The following JAZF1 variants were observed in gnomAD, a reference collection of about 807,000 sequenced individuals.
JAZF1 encodes the protein juxtaposed with another zinc finger protein 1.
Under a neutral mutation model 26.4 loss-of-function variants are expected in JAZF1, and 8 were observed. The ratio of observed to expected loss-of-function variants is 0.30; its 90% CI spans 0.18 to 0.55. JAZF1 has a LOEUF of 0.55. Ranked by LOEUF, JAZF1 falls within the 20% of genes least tolerant of loss-of-function variation. The probability of loss-of-function intolerance (pLI) is 0.94; values close to 1 mark genes in which losing one functional copy is unlikely to be tolerated. For synonymous variants in JAZF1, 126 were observed against 122.3 expected (o/e 1.03, Z -0.20); for missense variants, 199 against 322.0 (o/e 0.62, Z 2.92).
chr7:28,176,042 T>C (rs1460474106), intron 1 of JAZF1, among the ~76,000 whole-genome samples: 1 of 152,216 alleles, frequency 6.6e-6, no homozygotes, highest in Non-Finnish European at 1.5e-5. Flanking sequence ...AGACGGTTTA[T>C]AAATCTATAC....
intron 2 of JAZF1, among the ~76,000 whole-genome samples, chr7:27,905,129 C>G (rs1784230074): frequency 8.0e-6 from 1 of 124,438 alleles, no homozygotes; most frequent in African/African-American, 3.3e-5. Flanking sequence ...AGCACCACAT[C>G]CAAGGCTAAA....
At chr7:28,078,894 G>A (rs1348313779) in intron 1 of JAZF1, among the ~76,000 whole-genome samples, 1 of 151,954 alleles carries the variant, frequency 6.6e-6, no homozygotes, top group Non-Finnish European at 1.5e-5. Flanking sequence ...CTGTACTCTA[G>A]AACTAGAATA....
chr7:28,137,996 G>C (rs1297691901), intron 1 of JAZF1, among the ~76,000 whole-genome samples: 2 of 152,188 alleles, frequency 1.3e-5, no homozygotes, highest in African/African-American at 4.8e-5. Context: ...AAGTGGCAGA[G>C]CCAGGATTCA....
intron 1 of JAZF1, among the ~76,000 whole-genome samples, chr7:28,139,964 T>C (rs943982730): frequency 2.0e-5 from 3 of 152,126 alleles, no homozygotes; most frequent in African/African-American, 7.2e-5. Flanking sequence ...CATGGTTCTT[T>C]CTGGAAAGAG....
intron 1 of JAZF1, among the ~76,000 whole-genome samples, chr7:28,045,816 C>T (rs955762089): frequency 1.3e-5 from 2 of 152,158 alleles, no homozygotes; most frequent in African/African-American, 4.8e-5. Flanking sequence ...TCAAGTGATC[C>T]TCCTAACTTG....
intron 3 of JAZF1, among the ~76,000 whole-genome samples, chr7:27,848,832 A>G (rs34956960): frequency 0.01 from 1,533 of 152,302 alleles, 9 homozygotes; most frequent in Non-Finnish European, 0.015. Flanking sequence ...ACCTGTGCTT[A>G]CTTGATTTTT....
intron 1 of JAZF1, among the ~76,000 whole-genome samples, chr7:28,158,191 A>AGAGAGAGAGAGAGAGG (rs1783221808): frequency 6.6e-6 from 1 of 151,322 alleles, no homozygotes; most frequent in Non-Finnish European, 1.5e-5. Flanking sequence ...ACACACAGAG[A>AGAGAGAGAGAGAGAGG]GAGAGAGAGA....
At chr7:28,031,062 G>A (rs534335725) in intron 1 of JAZF1, among the ~76,000 whole-genome samples, 6 of 152,240 alleles carry the variant, frequency 3.9e-5, no homozygotes, top group South Asian at 2.1e-4. Context: ...TGCTATACAC[G>A]AAGCATATTC....
chr7:28,050,747 C>T (rs1783598121), intron 1 of JAZF1, among the ~76,000 whole-genome samples: 1 of 152,166 alleles, frequency 6.6e-6, no homozygotes, highest in Admixed American at 6.5e-5. Flanking sequence ...CAAATACTCT[C>T]ATTAAGTCAT....
At chr7:28,154,626 C>T (rs1029671581) in intron 1 of JAZF1, among the ~76,000 whole-genome samples, 3 of 152,002 alleles carry the variant, frequency 2.0e-5, no homozygotes, top group African/African-American at 7.2e-5. Context: ...CCAATGGGAT[C>T]CTTTATTTTT....
chr7:27,868,512 G>A (rs1194661739), intron 3 of JAZF1, among the ~76,000 whole-genome samples: 1 of 152,194 alleles, frequency 6.6e-6, no homozygotes, highest in Non-Finnish European at 1.5e-5. Flanking sequence ...GCTCCAGCCT[G>A]GCTGGTCGGC....
intron 2 of JAZF1, among the ~76,000 whole-genome samples, chr7:27,986,582 A>G (rs949025301): frequency 6.6e-6 from 1 of 152,128 alleles, no homozygotes; most frequent in African/African-American, 2.4e-5. Flanking sequence ...CAAGCTACCA[A>G]TGACTTTCTT....
chr7:27,951,234 C>A (rs535703773), intron 2 of JAZF1, among the ~76,000 whole-genome samples: 1 of 152,312 alleles, frequency 6.6e-6, no homozygotes, highest in Non-Finnish European at 1.5e-5. Context: ...GGTGTGCTAA[C>A]TTCCCTGTAG....
chr7:27,926,534 T>A (rs914633827), intron 2 of JAZF1, among the ~76,000 whole-genome samples: 1 of 152,222 alleles, frequency 6.6e-6, no homozygotes, highest in African/African-American at 2.4e-5. Context: ...CTCTACTAAT[T>A]GGAAAAAGTC....
intron 3 of JAZF1, among the ~76,000 whole-genome samples, chr7:27,893,776 G>T (rs1784013955): frequency 6.6e-6 from 1 of 152,170 alleles, no homozygotes; most frequent in African/African-American, 2.4e-5. Flanking sequence ...GCACAAACAT[G>T]CGGACCTCTT....
At chr7:27,867,943 G>A (rs191563210) in intron 3 of JAZF1, among the ~76,000 whole-genome samples, 120 of 152,218 alleles carry the variant, frequency 7.9e-4, no homozygotes, top group African/African-American at 2.5e-3. Context: ...TATTTCTTTC[G>A]CAGGATCTCG....
At chr7:27,868,059 T>C (rs1179192931) in intron 3 of JAZF1, among the ~76,000 whole-genome samples, 1 of 152,186 alleles carries the variant, frequency 6.6e-6, no homozygotes, top group East Asian at 1.9e-4. Context: ...CCATTTGCCA[T>C]TTTCTTCTCT....
chr7:27,944,831 T>G (rs1331134525), intron 2 of JAZF1, among the ~76,000 whole-genome samples: 1 of 152,172 alleles, frequency 6.6e-6, no homozygotes, highest in Non-Finnish European at 1.5e-5. Flanking sequence ...CATTTCTATT[T>G]TGGAGACTCA....
chr7:28,036,088 C>T (rs1783287857), intron 1 of JAZF1, among the ~76,000 whole-genome samples: 1 of 152,184 alleles, frequency 6.6e-6, no homozygotes, highest in Non-Finnish European at 1.5e-5. Context: ...TGCAACTTTA[C>T]TCAGTAAATT....
Sources: gnomAD v4.1 joint callset for allele counts (sites outside exome capture counted in the v4.1 genomes callset) on GRCh38, gnomAD v4.1.1 for gene constraint, MANE v1.5 for transcripts, NCBI Gene and HGNC (gene_info 2026-07-23, HGNC 2026-07-21) for gene names.